The following LCMT1 variants were observed in gnomAD, a reference collection of about 807,000 sequenced individuals.
LCMT1 encodes leucine carboxyl methyltransferase 1.
Under a neutral mutation model 47.7 loss-of-function variants are expected in LCMT1, and 32 were observed. That is an observed-to-expected ratio of 0.67 (90% CI 0.51 to 0.90). The LOEUF is 0.90. Ranked by LOEUF, LCMT1 falls within the 40% of genes least tolerant of loss-of-function variation. The pLI, the probability that LCMT1 is intolerant of heterozygous loss-of-function variation, is 0.00. For missense variants in LCMT1, 375 were observed against 415.2 expected (o/e 0.90, Z 0.84); for synonymous variants, 152 against 149.7 (o/e 1.02, Z -0.11).
chr16:25,138,765 A>G (rs1303529226), intron 3 of LCMT1, among the ~76,000 whole-genome samples: 1 of 152,164 alleles, frequency 6.6e-6, no homozygotes, highest in Non-Finnish European at 1.5e-5. Context: ...CACGTTGTGC[A>G]GTATTCAAAA....
Position 25,160,986 on chromosome 16 carries a change from A to T in LCMT1, c.467-116A>T, listed in dbSNP as rs200448273. The stretch of plus-strand genomic sequence containing the variant: ...GTTAATTTTTACCCTCCTCTTACGT[A>T]TTTTTTTTTTTTAACAATGATGCAT... On this transcript the variant is annotated intron_variant, in intron 5 of 10. Coordinates refer to ENST00000399069, the MANE Select transcript of LCMT1 (RefSeq NM_016309.3). 3 of 505,730 alleles carry T rather than the reference A, an allele frequency of 5.9e-6. No homozygotes were observed. Among genetic ancestry groups the T allele is most frequent in the South Asian group, 2.6e-5 (1 of 38,422 alleles). 31.3% of individuals were successfully genotyped at this position (505,730 alleles called of 1,614,324 possible). A position where few individuals can be genotyped will look rare whatever the true frequency, so the allele number is the denominator to read the frequency against.
At chr16:25,167,743 C>T (rs1436257146) in intron 7 of LCMT1, among the ~76,000 whole-genome samples, 2 of 152,070 alleles carry the variant, frequency 1.3e-5, no homozygotes, top group South Asian at 2.1e-4. Context: ...ATGAATTTTA[C>T]ATATATTAAC....
chr16:25,122,273 A>T (rs1567307397), intron 1 of LCMT1, among the ~76,000 whole-genome samples: 1 of 143,008 alleles, frequency 7.0e-6, no homozygotes, highest in Non-Finnish European at 1.5e-5. Flanking sequence ...ATTGTCACTG[A>T]TATTTCTTAT....
At chr16:25,121,050 C>A (rs1959971227) in intron 1 of LCMT1, among the ~76,000 whole-genome samples, 1 of 150,776 alleles carries the variant, frequency 6.6e-6, no homozygotes, top group South Asian at 2.1e-4. Flanking sequence ...CATGAGCCAA[C>A]ACACCTGGCC....
intron 9 of LCMT1, among the ~76,000 whole-genome samples, chr16:25,173,040 A>G (rs1450405287): frequency 6.6e-6 from 1 of 152,212 alleles, no homozygotes; most frequent in East Asian, 1.9e-4. Flanking sequence ...GCCTTTGTCT[A>G]TGCCAGGTCG....
At chr16:25,117,035 A>C (rs1164872548) in intron 1 of LCMT1, among the ~76,000 whole-genome samples, 1 of 152,192 alleles carries the variant, frequency 6.6e-6, no homozygotes, top group East Asian at 1.9e-4. Context: ...GTTAGAATTT[A>C]GAAAGCTGCT....
At position 25,171,881 on chromosome 16, in the gene LCMT1, A is replaced by T. The variant is rs528247148; in HGVS notation, c.884+1076A>T. Among the ~76,000 whole-genome samples the T allele has an allele frequency of 6.6e-5, 10 of 152,334 alleles. No individual in the cohort carries two copies. In the East Asian group the frequency reaches 1.9e-3, roughly 29 times the overall value. On this transcript the variant is annotated intron_variant, in intron 9 of 10. Coordinates refer to ENST00000399069, the MANE Select transcript of LCMT1 (RefSeq NM_016309.3). ...TAGATAGATAAATATTTATTGATAC[A>T]TAGATTTCTATTTTTTGAATCTGTG...
chr16:25,114,140 G>A (rs1248496359), intron 1 of LCMT1, among the ~76,000 whole-genome samples: 2 of 152,130 alleles, frequency 1.3e-5, no homozygotes, highest in Non-Finnish European at 2.9e-5. Context: ...GGTTCCTGCT[G>A]CCCTGAGTGA....
intron 3 of LCMT1, among the ~76,000 whole-genome samples, chr16:25,134,495 C>T (rs780446446): frequency 4.4e-4 from 67 of 152,296 alleles, no homozygotes; most frequent in Non-Finnish European, 8.2e-4. Flanking sequence ...GTTATCTGCC[C>T]ATTAAACTCC....
chr16:25,118,149 C>A (rs1363522904), intron 1 of LCMT1, among the ~76,000 whole-genome samples: 2 of 152,160 alleles, frequency 1.3e-5, no homozygotes, highest in Non-Finnish European at 2.9e-5. Flanking sequence ...CACTCCCTAG[C>A]TTAATGGCCT....
At position 25,111,928 on chromosome 16, in the gene LCMT1, C is replaced by G; in HGVS notation, c.45C>G (p.Ser15=). The change falls in exon 1 of 11, where the codon TCC becomes TCG. Residue 15 remains serine, a synonymous_variant. Coordinates refer to ENST00000399069, the MANE Select transcript of LCMT1 (RefSeq NM_016309.3). ...QRESSITSCC[S]TSSCDADDEG... is the part of the protein sequence containing the mutation. ...AATCCTCTATCACCTCCTGCTGTTC[C>G]ACCTCGAGCTGCGACGCAGACGACG... 1 of 1,613,616 alleles carries G rather than the reference C, an allele frequency of 6.2e-7. No individual in the cohort carries two copies. The highest frequency in any genetic ancestry group is 8.5e-7 in the Non-Finnish European group (1 of 1,179,750).
At chr16:25,146,822 C>A (rs1379794240) in intron 4 of LCMT1, 1 of 152,196 alleles carries the variant, frequency 6.6e-6, no homozygotes. Flanking sequence ...ACTGGGATCT[C>A]CTTCTTTCTC....
At chr16:25,176,550 C>CTTTTTTTTTTTTTTTTCTT in intron 10 of LCMT1, among the ~76,000 whole-genome samples, 1 of 44,258 alleles carries the variant, frequency 2.3e-5, no homozygotes, top group Non-Finnish European at 3.6e-5. Flanking sequence ...TTTTTTTTGG[C>CTTTTTTTTTTTTTTTTCTT]TTTTTTTTTT....
At chr16:25,162,193 C>T (rs1355702446) in intron 6 of LCMT1, among the ~76,000 whole-genome samples, 2 of 152,144 alleles carry the variant, frequency 1.3e-5, no homozygotes, top group Non-Finnish European at 2.9e-5. Context: ...GTCTGGGAAC[C>T]GAGTCCAGCT....
At chr16:25,175,800 T>G (rs1961913221) in intron 10 of LCMT1, among the ~76,000 whole-genome samples, 1 of 152,124 alleles carries the variant, frequency 6.6e-6, no homozygotes, top group Admixed American at 6.6e-5. Flanking sequence ...TAGAGGATGA[T>G]GTACATGTAT....
intron 8 of LCMT1, among the ~76,000 whole-genome samples, chr16:25,169,844 A>G (rs1961698887): frequency 6.6e-6 from 1 of 151,764 alleles, no homozygotes; most frequent in Non-Finnish European, 1.5e-5. Context: ...AACCTCTTTG[A>G]CTCTATGTTA....
intron 3 of LCMT1, among the ~76,000 whole-genome samples, chr16:25,137,336 C>G (rs1299537084): frequency 6.6e-6 from 1 of 152,036 alleles, no homozygotes; most frequent in Non-Finnish European, 1.5e-5. Context: ...ACCTGGCCCC[C>G]CTCAAGTATC....
At chr16:25,165,704 A>G (rs568239143) in intron 7 of LCMT1, among the ~76,000 whole-genome samples, 2 of 151,608 alleles carry the variant, frequency 1.3e-5, no homozygotes, top group East Asian at 2.0e-4. Context: ...TTTAGTAGAG[A>G]TGGGGTTTCA....
At chr16:25,122,851 A>G (rs915093042) in intron 1 of LCMT1, among the ~76,000 whole-genome samples, 9 of 141,236 alleles carry the variant, frequency 6.4e-5, no homozygotes, top group Admixed American at 1.4e-4. Flanking sequence ...GGATCTTGCC[A>G]TGTTGCCCAG....
Sources: allele counts gnomAD v4.1 joint callset (sites outside exome capture counted in the v4.1 genomes callset), GRCh38; gene constraint gnomAD v4.1.1; transcripts MANE v1.5; gene names NCBI Gene and HGNC (gene_info 2026-07-23, HGNC 2026-07-21).